Variants in LMNB1 observed in about 807,000 individuals in gnomAD.
The protein encoded by LMNB1 is lamin B1, also known as lamin-B1.
Under a neutral mutation model 67.1 loss-of-function variants are expected in LMNB1, and 23 were observed. The ratio of observed to expected loss-of-function variants is 0.34; its 90% CI spans 0.25 to 0.49. The LOEUF is 0.49. Ranked by LOEUF, LMNB1 falls within the 20% of genes least tolerant of loss-of-function variation. The pLI is 0.99. For missense variants in LMNB1, 634 were observed against 746.5 expected, an observed-to-expected ratio of 0.85 and a Z score of 1.76; for synonymous variants, 281 against 282.9, an observed-to-expected ratio of 0.99 and a Z score of 0.07.
chr5:126,822,466 G>A (rs934290240), intron 7 of LMNB1, among the ~76,000 whole-genome samples: 1 of 152,220 alleles, frequency 6.6e-6, no homozygotes, highest in Admixed American at 6.5e-5. Context: ...GATTATGACA[G>A]CTAGATAGTG....
chr5:126,793,039 T>G (rs1325614621), intron 1 of LMNB1, among the ~76,000 whole-genome samples: 1 of 152,176 alleles, frequency 6.6e-6, no homozygotes. Flanking sequence ...ACCAGTAAAC[T>G]GTTTTAAAAA....
In LMNB1 at chr5:126,791,081, A is replaced by T. The variant is rs537078813; in HGVS notation, c.359+13214A>T. ...TAAATAAAATGAAGACGTGTTCTTT[A>T]GTTTTCTAGCTTTCATTGGCTGCAG... On this transcript the variant is annotated intron_variant, in intron 1 of 10. Coordinates refer to ENST00000261366, the MANE Select transcript of LMNB1 (RefSeq NM_005573.4). Among the ~76,000 whole-genome samples the T allele has an allele frequency of 2.0e-5, 3 of 152,284 alleles. No homozygotes were observed. In the South Asian group the frequency reaches 6.2e-4, roughly 32 times the overall value.
chr5:126,822,245 C>T (rs1294910958), intron 7 of LMNB1, among the ~76,000 whole-genome samples: 1 of 152,328 alleles, frequency 6.6e-6, no homozygotes, highest in East Asian at 1.9e-4. Context: ...CCGCCTTGGC[C>T]TCCTAAAGTG....
At position 126,809,766 on chromosome 5, in the gene LMNB1, A is replaced by C. The variant is rs186358445; in HGVS notation, c.643-414A>C. Among the ~76,000 whole-genome samples the C allele has an allele frequency of 2.1e-3, 321 of 152,362 alleles. 1 individual carries two copies. The highest frequency in any genetic ancestry group is 6.9e-3 in the African/African-American group (287 of 41,588). ...GAATTTATCACAACTGTTAAGTTTA[A>C]CTTTCCATGTGCTGTTTTTTCAGAG... On this transcript the variant is annotated intron_variant, in intron 3 of 10. Coordinates refer to ENST00000261366, the MANE Select transcript of LMNB1 (RefSeq NM_005573.4).
At chr5:126,800,732 A>C (rs1411087750) in intron 1 of LMNB1, among the ~76,000 whole-genome samples, 1 of 131,284 alleles carries the variant, frequency 7.6e-6, no homozygotes, top group Non-Finnish European at 1.5e-5. Flanking sequence ...GGCTCACCGC[A>C]ACCTCTGCCT....
chr5:126,812,831 C>T (rs984523248), intron 5 of LMNB1, among the ~76,000 whole-genome samples: 9 of 150,162 alleles, frequency 6.0e-5, no homozygotes, highest in African/African-American at 2.2e-4. Context: ...CCCGGGTTCA[C>T]GCCATTCTCC....
rs559367609 is a variant in LMNB1, at chr5:126,797,099, T to G, written c.360-7677T>G. 8.3e-4 allele frequency among the ~76,000 whole-genome samples: 126 copies of G among 152,314 alleles called. 1 individual carries two copies. Among genetic ancestry groups the G allele is most frequent in the African/African-American group, 2.8e-3 (117 of 41,584 alleles). ...CCACTGCACCCAGCCTGGCTAATTTTCTTTTTAATGGCCAGATACTTGATT... is the reference window on the plus strand; with the variant it reads ...CCACTGCACCCAGCCTGGCTAATTTGCTTTTTAATGGCCAGATACTTGATT... On this transcript the variant is annotated intron_variant, in intron 1 of 10. Coordinates refer to ENST00000261366, the MANE Select transcript of LMNB1 (RefSeq NM_005573.4).
intron 1 of LMNB1, among the ~76,000 whole-genome samples, chr5:126,792,479 C>T (rs1263603492): frequency 6.6e-6 from 1 of 151,644 alleles, no homozygotes; most frequent in Non-Finnish European, 1.5e-5. Flanking sequence ...CTTCATTGTC[C>T]TTCATAGTCC....
chr5:126,813,478 A>T (rs1371737823), intron 5 of LMNB1, among the ~76,000 whole-genome samples: 1 of 152,196 alleles, frequency 6.6e-6, no homozygotes, highest in African/African-American at 2.4e-5. Flanking sequence ...AATTTAACAG[A>T]TAATCTTTTT....
chr5:126,834,259 GCA>G (rs1293772733), intron 10 of LMNB1, among the ~76,000 whole-genome samples: 1 of 151,446 alleles, frequency 6.6e-6, no homozygotes, highest in Non-Finnish European at 1.5e-5. Context: ...AGGCTGGAGC[GCA>G]GTGGCGCAAT....
At chr5:126,818,059 G>T (rs994719324) in intron 5 of LMNB1, among the ~76,000 whole-genome samples, 18 of 152,148 alleles carry the variant, frequency 1.2e-4, no homozygotes, top group South Asian at 1.0e-3. Context: ...ACCCTATATT[G>T]TGTGTCCTTT....
chr5:126,827,448 G>GT, intron 9 of LMNB1, among the ~76,000 whole-genome samples: 1 of 152,286 alleles, frequency 6.6e-6, no homozygotes, highest in East Asian at 1.9e-4. Flanking sequence ...ATCACCTGAG[G>GT]TCAGGAGTTA....
chr5:126,824,273 G>T (rs933283418), intron 8 of LMNB1, among the ~76,000 whole-genome samples: 2 of 152,172 alleles, frequency 1.3e-5, no homozygotes, highest in African/African-American at 4.8e-5. Context: ...TCTTATAGCC[G>T]CATTAAAGTA....
chr5:126,813,634 G>A (rs756244055), intron 5 of LMNB1, among the ~76,000 whole-genome samples: 2 of 152,166 alleles, frequency 1.3e-5, no homozygotes, highest in African/African-American at 4.8e-5. Flanking sequence ...CTGGCAGATT[G>A]GATATCTGCC....
At chr5:126,814,100 G>A (rs1236768225) in intron 5 of LMNB1, among the ~76,000 whole-genome samples, 1 of 152,090 alleles carries the variant, frequency 6.6e-6, no homozygotes, top group Admixed American at 6.6e-5. Flanking sequence ...TCTCCATGTT[G>A]GTCAGGCCGG....
chr5:126,778,589 T>A (rs1047670929), intron 1 of LMNB1, among the ~76,000 whole-genome samples: 4 of 152,154 alleles, frequency 2.6e-5, no homozygotes, highest in African/African-American at 4.8e-5. Flanking sequence ...ATGTGTCCTG[T>A]CCCAGCGGGG....
intron 1 of LMNB1, among the ~76,000 whole-genome samples, chr5:126,798,960 C>G (rs1307285093): frequency 6.6e-6 from 1 of 151,268 alleles, no homozygotes; most frequent in African/African-American, 2.4e-5. Context: ...GCTGTATATG[C>G]AAGAGGAAGA....
intron 1 of LMNB1, among the ~76,000 whole-genome samples, chr5:126,798,619 A>C (rs1429544019): frequency 6.6e-6 from 1 of 152,152 alleles, no homozygotes; most frequent in Non-Finnish European, 1.5e-5. Context: ...TTATAGAAGC[A>C]TCAGTTATTA....
chr5:126,829,736 G>A (rs1291104331), intron 9 of LMNB1, among the ~76,000 whole-genome samples: 1 of 152,066 alleles, frequency 6.6e-6, no homozygotes, highest in Admixed American at 6.6e-5. Context: ...TGGGTCACGT[G>A]CCCACCTCTA....
Sources: allele counts gnomAD v4.1 joint callset (sites outside exome capture counted in the v4.1 genomes callset), GRCh38; gene constraint gnomAD v4.1.1; transcripts MANE v1.5; gene names NCBI Gene and HGNC (gene_info 2026-07-23, HGNC 2026-07-21).